PCDHGA2: variants seen among roughly 807,000 people sequenced by gnomAD.
PCDHGA2 encodes the protein protocadherin gamma-A2.
In PCDHGA2, 40 loss-of-function variants were observed where a neutral mutation model predicts 59.2. The ratio of observed to expected loss-of-function variants is 0.68; its 90% CI spans 0.52 to 0.88. PCDHGA2 has a LOEUF of 0.88. Among genes scored for constraint, PCDHGA2 ranks in the 40% least tolerant of loss-of-function variants. The pLI is 0.00. For synonymous variants in PCDHGA2, 560 were observed against 526.0 expected (o/e 1.06, Z -0.89); for missense variants, 1,226 against 1,204.0 (o/e 1.02, Z -0.27).
intron 1 of PCDHGA2, chr5:141,393,519 A>G: frequency 6.2e-7 from 1 of 1,614,036 alleles, no homozygotes; most frequent in African/African-American, 1.3e-5. Flanking sequence ...GTTGGATACA[A>G]ATGACAATGC....
At chr5:141,419,803 T>C (rs2096436352) in intron 1 of PCDHGA2, 3 of 1,614,026 alleles carry the variant, frequency 1.9e-6, no homozygotes, top group Non-Finnish European at 2.5e-6. Context: ...CTGTAAGAGA[T>C]GGAGGACAGC....
In PCDHGA2 at chr5:141,341,210, C is replaced by G; in HGVS notation, c.2239C>G (p.Arg747Gly). 2 of 1,614,220 alleles carry G rather than the reference C, an allele frequency of 1.2e-6. No homozygotes were observed. Among genetic ancestry groups the G allele is most frequent in the Non-Finnish European group, 1.7e-6 (2 of 1,180,048 alleles). ...GCACTTTGTGGGCGTGGACGGGGTTCGGGCTTTCCTGCAGACCTATTCCCA... is the reference window on the plus strand; with the variant it reads ...GCACTTTGTGGGCGTGGACGGGGTTGGGGCTTTCCTGCAGACCTATTCCCA... ...SSHFVGVDGV[R>G]AFLQTYSHEV... Residue 747 changes from arginine (R) to glycine (G), a missense_variant, in exon 1 of 4, where the codon CGG becomes GGG. Arg to Gly is a moderately radical substitution (Grantham distance 125). Coordinates refer to ENST00000394576, the MANE Select transcript of PCDHGA2 (RefSeq NM_018915.4).
At chr5:141,393,821 G>T (rs2240700) in intron 1 of PCDHGA2, 228,339 of 1,613,716 alleles carry the variant, frequency 0.14, 18,414 homozygotes, top group African/African-American at 0.32. Context: ...TGCTCATTTC[G>T]GTGGAAGATG....
chr5:141,343,518 T>G (rs1757293769), intron 1 of PCDHGA2, among the ~76,000 whole-genome samples: 1 of 152,206 alleles, frequency 6.6e-6, no homozygotes, highest in African/African-American at 2.4e-5. Flanking sequence ...TTACGGCCAG[T>G]TCTTTGTTAC....
In PCDHGA2 at chr5:141,357,499, C is replaced by T. The variant is rs781648903; in HGVS notation, c.2424+16104C>T. On this transcript the variant is annotated intron_variant, in intron 1 of 3. Coordinates refer to ENST00000394576, the MANE Select transcript of PCDHGA2 (RefSeq NM_018915.4). The stretch of plus-strand genomic sequence containing the variant: ...CCTCACCGCGGACTCGCGGAAGAGT[C>T]ACCTGATCTTCTCCCAACCCAGCTA... The T allele has an allele frequency of 1.9e-6, 3 of 1,614,256 alleles. No individual in the cohort carries two copies. In the South Asian group the frequency reaches 3.3e-5, roughly 18 times the overall value.
chr5:141,350,826 C>T (rs781126362), intron 1 of PCDHGA2: 25 of 1,613,976 alleles, frequency 1.5e-5, no homozygotes, highest in Middle Eastern at 3.3e-4. Context: ...AGTAAATATC[C>T]GGTATTACTG....
chr5:141,351,929 C>T, intron 1 of PCDHGA2: 2 of 1,613,302 alleles, frequency 1.2e-6, no homozygotes, highest in East Asian at 2.2e-5. Context: ...CAATGCGCCA[C>T]GGGTGCTGTA....
chr5:141,386,359 C>T (rs566341507), intron 1 of PCDHGA2, among the ~76,000 whole-genome samples: 1 of 152,132 alleles, frequency 6.6e-6, no homozygotes, highest in Non-Finnish European at 1.5e-5. Flanking sequence ...AATCTTGATT[C>T]CAGAGACCTT....
intron 1 of PCDHGA2, chr5:141,352,712 G>T (rs1182377694): frequency 1.9e-6 from 3 of 1,540,742 alleles, no homozygotes; most frequent in South Asian, 1.2e-5. Flanking sequence ...TATGGCGGCC[G>T]GGCGCGGTGG....
rs775489120 is a variant in PCDHGA2 at position 141,418,594 on chromosome 5, C to T, written c.2425-76213C>T. ...ACAACCCCCCAGTGTTCAGCCAGGA[C>T]GTGTACAGGGTTAGCCTTCGGGAAG... On this transcript the variant is annotated intron_variant, in intron 1 of 3. Coordinates refer to ENST00000394576, the MANE Select transcript of PCDHGA2 (RefSeq NM_018915.4). The T allele has an allele frequency of 3.1e-6, 5 of 1,614,022 alleles. No individual in the cohort carries two copies. In the Admixed American group the frequency reaches 8.3e-5, roughly 27 times the overall value.
intron 1 of PCDHGA2, chr5:141,362,285 T>C (rs780234982): frequency 6.2e-7 from 1 of 1,614,016 alleles, no homozygotes; most frequent in Non-Finnish European, 8.5e-7. Flanking sequence ...CGCCTGCGAC[T>C]CTCTTCCAGG....
chr5:141,382,896 G>A (rs754850386), intron 1 of PCDHGA2: 5 of 1,537,678 alleles, frequency 3.3e-6, no homozygotes, highest in Admixed American at 2.1e-5. Context: ...GAAGCAGGAC[G>A]ACTATGGCGG....
At chr5:141,435,919 T>C (rs2097786247) in intron 1 of PCDHGA2, among the ~76,000 whole-genome samples, 2 of 152,148 alleles carry the variant, frequency 1.3e-5, no homozygotes, top group South Asian at 4.1e-4. Flanking sequence ...GGCTCTAAAA[T>C]GCGGCAGTTG....
Position 141,506,991 on chromosome 5 carries a change from C to T in PCDHGA2, c.2572+1510C>T, listed in dbSNP as rs190455068. 3 of 152,366 alleles carry T rather than the reference C, an allele frequency of 2.0e-5. No homozygotes were observed. In the East Asian group the frequency reaches 5.8e-4, roughly 29 times the overall value. The allele number at this position is 152,366 out of a possible 1,614,324, so 9.4% of individuals were successfully genotyped here. A position where few individuals can be genotyped will look rare whatever the true frequency, so the allele number is the denominator to read the frequency against. The stretch of plus-strand genomic sequence containing the variant: ...TGCAAGGCAGGTCTGATTTCTCACA[C>T]TCGACAGATGAGAGAACCGAGAAGG... On this transcript the variant is annotated intron_variant, in intron 3 of 3. Coordinates refer to ENST00000394576, the MANE Select transcript of PCDHGA2 (RefSeq NM_018915.4).
Position 141,422,179 on chromosome 5 carries a change from A to G in PCDHGA2, c.2425-72628A>G, listed in dbSNP as rs757086661. The G allele has an allele frequency of 2.0e-5, 32 of 1,562,402 alleles. No homozygotes were observed. Among genetic ancestry groups the G allele is most frequent in the Non-Finnish European group, 2.6e-5 (30 of 1,159,048 alleles). ...TTTTGAAAAATATAGATTCTATGAG[A>G]TGGAAATTCAAGGCCAAGATGGTGG... is the stretch of plus-strand genomic sequence containing the variant. On this transcript the variant is annotated intron_variant, in intron 1 of 3. Coordinates refer to ENST00000394576, the MANE Select transcript of PCDHGA2 (RefSeq NM_018915.4).
intron 1 of PCDHGA2, chr5:141,374,258 T>C: frequency 2.5e-6 from 4 of 1,613,924 alleles, no homozygotes; most frequent in East Asian, 2.2e-5. Flanking sequence ...GCCCCAGGAG[T>C]TGGCGGAGCA....
chr5:141,478,394 G>T (rs2099453142), intron 1 of PCDHGA2: 4 of 1,613,586 alleles, frequency 2.5e-6, no homozygotes, highest in Non-Finnish European at 3.4e-6. Flanking sequence ...TTACCATCAG[G>T]TGTATCTCAC....
intron 1 of PCDHGA2, chr5:141,441,111 G>A (rs1457975305): frequency 1.3e-5 from 2 of 152,194 alleles, no homozygotes; most frequent in Non-Finnish European, 1.5e-5. Flanking sequence ...TCATTGTCCA[G>A]TGTACAGTTG....
chr5:141,389,669 C>T (rs747451761), intron 1 of PCDHGA2: 14 of 1,612,326 alleles, frequency 8.7e-6, no homozygotes, highest in Non-Finnish European at 9.3e-6. Flanking sequence ...TGGACGCAGA[C>T]TCAGGACACA....
Sources: allele counts gnomAD v4.1 joint callset (sites outside exome capture counted in the v4.1 genomes callset), GRCh38; gene constraint gnomAD v4.1.1; transcripts MANE v1.5; gene names NCBI Gene and HGNC (gene_info 2026-07-23, HGNC 2026-07-21).